The following ZFAT variants were observed in gnomAD, a reference collection of about 807,000 sequenced individuals.
ZFAT encodes the protein zinc finger protein ZFAT.
A neutral mutation model predicts 117.7 loss-of-function variants in ZFAT; 64 were observed. That is an observed-to-expected ratio of 0.54 (90% confidence interval 0.44 to 0.67). The LOEUF is 0.67. ZFAT is among the 30% of genes least tolerant of loss of function. The pLI, the probability that ZFAT is intolerant of heterozygous loss-of-function variation, is 0.00. For missense variants in ZFAT, 1,433 were observed against 1,584.5 expected (o/e 0.90, Z 1.62); for synonymous variants, 679 against 615.0 (o/e 1.10, Z -1.54).
the ZFAT span, among the ~76,000 whole-genome samples, chr8:134,751,679 T>A: frequency 1.3e-5 from 2 of 152,040 alleles, no homozygotes; most frequent in African/African-American, 4.8e-5. Flanking sequence ...TAGCACCAGG[T>A]GGGGGAATGT....
chr8:134,786,701 T>G, the ZFAT span, among the ~76,000 whole-genome samples: 2 of 152,148 alleles, frequency 1.3e-5, no homozygotes, highest in African/African-American at 4.8e-5. Context: ...TGAGACTTAT[T>G]TACTAATACA....
the ZFAT span, among the ~76,000 whole-genome samples, chr8:134,730,086 G>A: frequency 1.3e-5 from 2 of 152,128 alleles, no homozygotes; most frequent in Admixed American, 6.5e-5. Flanking sequence ...TGGTTGTTAC[G>A]CGCTGCTCCC....
At chr8:134,793,732 C>CGGGGGGGGG in the ZFAT span, 4 of 148,322 alleles carry the variant, frequency 2.7e-5, no homozygotes, top group African/African-American at 7.4e-5. Flanking sequence ...GTCAAGAGTC[C>CGGGGGGGGG]GGGGGCTGGA....
chr8:134,708,174 C>T (rs1813856684), intron 1 of ZFAT, among the ~76,000 whole-genome samples: 1 of 152,124 alleles, frequency 6.6e-6, no homozygotes, highest in South Asian at 2.1e-4. Context: ...TGGTGGGTAC[C>T]AGAGCCTGAA....
In ZFAT at chr8:134,578,635, G is replaced by A. The variant is rs531499911; in HGVS notation, c.2887+5197C>T. 1.1e-3 allele frequency among the ~76,000 whole-genome samples: 163 copies of A among 152,196 alleles called. 1 individual carries two copies. The highest frequency in any genetic ancestry group is 1.9e-3 in the Non-Finnish European group (129 of 67,994). On this transcript the variant is annotated intron_variant, in intron 10 of 15. Transcript: ENST00000377838. The stretch of plus-strand genomic sequence containing the variant: ...GATCACTGGCTGTTCTGTTGAGAAT[G>A]GACTTGTGGGGACCAGGAGAGGTTC...
chr8:134,574,396 C>T (rs1172530228), intron 10 of ZFAT, among the ~76,000 whole-genome samples: 1 of 151,970 alleles, frequency 6.6e-6, no homozygotes, highest in Non-Finnish European at 1.5e-5. Context: ...AGCCTGGCGA[C>T]TTGGCACTAA....
At chr8:134,568,554 G>A (rs866277836) in intron 10 of ZFAT, among the ~76,000 whole-genome samples, 3 of 152,158 alleles carry the variant, frequency 2.0e-5, no homozygotes, top group South Asian at 2.1e-4. Flanking sequence ...AAACACTTGG[G>A]TCAAAGAGTA....
chr8:134,566,734 C>G (rs1484470882), intron 10 of ZFAT, among the ~76,000 whole-genome samples: 1 of 152,180 alleles, frequency 6.6e-6, no homozygotes, highest in African/African-American at 2.4e-5. Context: ...CTATTCACTG[C>G]CAGCTCACCT....
intron 3 of ZFAT, among the ~76,000 whole-genome samples, chr8:134,617,452 T>C (rs1828826344): frequency 6.6e-6 from 1 of 152,180 alleles, no homozygotes; most frequent in African/African-American, 2.4e-5. Context: ...CTAGTATTAA[T>C]AACAACAATT....
rs535419181 is a variant in ZFAT, at chr8:134,492,616, C to A, written c.3493-13895G>T. On this transcript the variant is annotated intron_variant, in intron 15 of 15. Transcript: ENST00000377838. ...ACCAAGCAATAGCTTCCTTTTCATT[C>A]TCAAAAGGGGGACTGGCAGGACCAT... is the stretch of plus-strand genomic sequence containing the variant. Among the ~76,000 whole-genome samples, 20 of 152,304 alleles carry A rather than the reference C, an allele frequency of 1.3e-4. No individual in the cohort carries two copies. In the South Asian group the frequency reaches 3.9e-3, roughly 30 times the overall value.
At chr8:134,492,508 T>C (rs1370947529) in intron 15 of ZFAT, among the ~76,000 whole-genome samples, 1 of 152,216 alleles carries the variant, frequency 6.6e-6, no homozygotes, top group African/African-American at 2.4e-5. Flanking sequence ...ACAGGTAGAA[T>C]ATTCCCCTGT....
Position 134,600,196 on chromosome 8 carries a change from C to T in ZFAT, c.2475+240G>A, listed in dbSNP as rs961453656. ...TCTCTTCTGTAGACTTTATCTGATG[C>T]TAAAAAAATTTGCACAGGAAACAAT... On this transcript the variant is annotated intron_variant, in intron 7 of 15. Coordinates refer to ENST00000377838, the MANE Select transcript of ZFAT (RefSeq NM_020863.4). 6.8e-5 allele frequency: 37 copies of T among 545,960 alleles called. No individual in the cohort carries two copies. In the African/African-American group the frequency reaches 6.8e-4, roughly 10 times the overall value. The allele number at this position is 545,960 out of a possible 1,614,324, so 33.8% of individuals were successfully genotyped here. A position where few individuals can be genotyped will look rare whatever the true frequency, so the allele number is the denominator to read the frequency against.
At chr8:134,808,497 C>G in the ZFAT span, among the ~76,000 whole-genome samples, 2 of 152,270 alleles carry the variant, frequency 1.3e-5, no homozygotes, top group South Asian at 4.1e-4. Flanking sequence ...TAGGAACAAC[C>G]AAGTACCTGG....
At chr8:134,752,822 G>A in the ZFAT span, among the ~76,000 whole-genome samples, 3 of 152,048 alleles carry the variant, frequency 2.0e-5, no homozygotes, top group African/African-American at 7.2e-5. Context: ...CTTATAATCC[G>A]ATTATAAGGG....
chr8:134,790,552 T>A, the ZFAT span, among the ~76,000 whole-genome samples: 1 of 152,130 alleles, frequency 6.6e-6, no homozygotes, highest in East Asian at 1.9e-4. Flanking sequence ...TGCGTACCAT[T>A]TCTCTACCAA....
chr8:134,705,783 C>T lies in ZFAT; in HGVS notation c.19+7062G>A, dbSNP rs562939328. Among the ~76,000 whole-genome samples the T allele has an allele frequency of 2.0e-5, 3 of 152,068 alleles. No homozygotes were observed. In the East Asian group the frequency reaches 5.8e-4, roughly 29 times the overall value. On this transcript the variant is annotated intron_variant, in intron 1 of 15. Coordinates refer to ENST00000377838, the MANE Select transcript of ZFAT (RefSeq NM_020863.4). ...TGAACTCCTGACCTCAGGTGATCCA[C>T]CCGCCTTGGCCTCCCAAAGTGCTGA... is the stretch of plus-strand genomic sequence containing the variant.
chr8:134,478,611 G>A lies in ZFAT; in HGVS notation c.3603C>T (p.Asp1201=), dbSNP rs1398604265. 34 of 1,587,522 alleles carry A rather than the reference G, an allele frequency of 2.1e-5. No homozygotes were observed. The East Asian group carries it at 3.9e-4, about 18-fold the overall frequency. Residue 1201 remains aspartate, a synonymous_variant, in exon 16 of 16, where the codon GAC becomes GAT. Transcript: ENST00000377838. This position sits in a 1 kb window ranked among gnomAD's most constrained non-coding sequence, Gnocchi z 5.2. ...EQHHLVVSSD[D]VEGIETVTVY... ...CAGTCACCGTCTCAATGCCCTCCAC[G>A]TCGTCGGAGGACACCACCAGGTGGT...
intron 1 of ZFAT, among the ~76,000 whole-genome samples, chr8:134,678,703 A>G (rs894634749): frequency 6.6e-6 from 1 of 152,218 alleles, no homozygotes; most frequent in African/African-American, 2.4e-5. Flanking sequence ...ACAAGGCTAC[A>G]GCAACCAAAA....
intron 1 of ZFAT, among the ~76,000 whole-genome samples, chr8:134,712,526 C>A (rs1452644031): frequency 6.6e-6 from 1 of 152,162 alleles, no homozygotes; most frequent in Non-Finnish European, 1.5e-5. Context: ...GGATTCGAAC[C>A]TCGCGCCCAC....
Sources: allele counts gnomAD v4.1 joint callset (sites outside exome capture counted in the v4.1 genomes callset), GRCh38; gene constraint gnomAD v4.1.1; non-coding constraint Gnocchi (gnomAD v3.1); transcripts MANE v1.5; gene names NCBI Gene and HGNC (gene_info 2026-07-23, HGNC 2026-07-21).